MYO18A: variants seen among roughly 807,000 people sequenced by gnomAD.
MYO18A encodes the protein unconventional myosin-XVIIIa.
In MYO18A, 78 loss-of-function variants were observed where a neutral mutation model predicts 235.8. The ratio of observed to expected loss-of-function variants is 0.33; its 90% confidence interval spans 0.28 to 0.40. The LOEUF is 0.40. MYO18A is among the 10% of genes least tolerant of loss of function. The pLI, the probability that MYO18A is intolerant of heterozygous loss-of-function variation, is 1.00. For missense variants in MYO18A, 2,215 were observed against 2,699.3 expected (o/e 0.82, Z 3.98); for synonymous variants, 977 against 1,077.8 (o/e 0.91, Z 1.83).
chr17:29,110,883 A>C (rs2066912545), intron 17 of MYO18A, among the ~76,000 whole-genome samples: 2 of 152,152 alleles, frequency 1.3e-5, no homozygotes, highest in African/African-American at 4.8e-5. Flanking sequence ...CTACTCATCT[A>C]CTTCCCCTCA....
chr17:29,160,473 T>G (rs2068148483), intron 2 of MYO18A, among the ~76,000 whole-genome samples: 1 of 152,248 alleles, frequency 6.6e-6, no homozygotes, highest in African/African-American at 2.4e-5. Context: ...AGCTTTGCAT[T>G]TCTTTACTTA....
intron 2 of MYO18A, chr17:29,124,625 G>GCTC (rs1448799697): frequency 7.9e-7 from 1 of 1,272,616 alleles, no homozygotes; most frequent in South Asian, 1.3e-5. Flanking sequence ...GGAGCGGAGG[G>GCTC]CTCCTGAGTG....
chr17:29,118,535 TC>T lies in MYO18A; in HGVS notation c.1830-96del, dbSNP rs2067127290. The T allele has an allele frequency of 8.5e-7, 1 of 1,173,352 alleles. No homozygotes were observed. The highest frequency in any genetic ancestry group is 2.2e-5 in the Admixed American group (1 of 45,896). 72.7% of individuals were successfully genotyped at this position (1,173,352 alleles called of 1,614,324 possible). The stretch of plus-strand genomic sequence containing the variant: ...AGACAGACAGACTCAGCTTCCAGAC[TC>T]CAAGTTTTGTCTGCCCATCATCCCA... On this transcript the variant is annotated intron_variant, in intron 8 of 41. Transcript: ENST00000527372. This position sits in a 1 kb window ranked among gnomAD's most constrained non-coding sequence, Gnocchi z 4.2.
chr17:29,098,575 A>C (rs961431076), intron 23 of MYO18A, 130 bp from the exon 24 acceptor site: 1 of 1,149,844 alleles, frequency 8.7e-7, no homozygotes, highest in Non-Finnish European at 1.3e-6. Context: ...GCATGTCCCC[A>C]ATAGCAGAGC....
Position 29,121,748 on chromosome 17 carries a change from G to A in MYO18A, c.1195-25C>T, listed in dbSNP as rs1452837192. The A allele has an allele frequency of 6.3e-7, 1 of 1,579,276 alleles. No homozygotes were observed. The highest frequency in any genetic ancestry group is 2.3e-5 in the East Asian group (1 of 42,900). The stretch of plus-strand genomic sequence containing the variant: ...CCTGTGTGGGAGGACAGGCGGGTGG[G>A]TATTAGAGCAGCAGAGCCCATCTCC... On this transcript the variant is annotated intron_variant, in intron 4 of 41. Transcript: ENST00000527372. The surrounding 1 kb of genome is among the most constrained non-coding windows in gnomAD (Gnocchi z 4.2).
intron 2 of MYO18A, among the ~76,000 whole-genome samples, chr17:29,130,529 A>ACAC (rs1567619180): frequency 1.6e-4 from 19 of 115,876 alleles, no homozygotes; most frequent in African/African-American, 5.2e-4. Context: ...CACACACACA[A>ACAC]CCCTTTCAAA....
rs778935466 is a variant in MYO18A at position 29,098,122 on chromosome 17, CCTT to C, written c.3970_3972del (p.Lys1324del). ...GCCCTCACCTGCAGTTCCTTCATCT[CCTT>C]CTCAGCCCGGAGCCTCTCTGCTGTC... is the stretch of plus-strand genomic sequence containing the variant. On this transcript the variant is annotated inframe_deletion, in exon 25 of 42. Coordinates refer to ENST00000527372, the MANE Select transcript of MYO18A (RefSeq NM_078471.4). 1 of 1,613,628 alleles carries C rather than the reference CCTT, an allele frequency of 6.2e-7. No individual in the cohort carries two copies. Among genetic ancestry groups the C allele is most frequent in the South Asian group, 1.1e-5 (1 of 91,090 alleles).
Position 29,140,334 on chromosome 17 carries a change from ACT to A in MYO18A, c.1000-18083_1000-18082del. The A allele has an allele frequency of 7.9e-7, 1 of 1,266,724 alleles. No individual in the cohort carries two copies. The highest frequency in any genetic ancestry group is 1.3e-5 in the South Asian group (1 of 78,408). 78.5% of individuals were successfully genotyped at this position (1,266,724 alleles called of 1,614,324 possible). ...TTCCGGGGTGGGGGGTCAGAGGGAC[ACT>A]CACCCGCATGGCCTGGCCTGGAGCA... On this transcript the variant is annotated intron_variant, in intron 2 of 41. Coordinates refer to ENST00000527372, the MANE Select transcript of MYO18A (RefSeq NM_078471.4). The surrounding 1 kb of genome is among the most constrained non-coding windows in gnomAD (Gnocchi z 4.2).
chr17:29,107,908 T>A (rs2066831649), intron 19 of MYO18A, among the ~76,000 whole-genome samples: 2 of 135,988 alleles, frequency 1.5e-5, no homozygotes, highest in African/African-American at 3.1e-5. Flanking sequence ...AGAGCAAGAC[T>A]GTGTCTCAAA....
rs1239939734 is a variant in MYO18A at position 29,127,874 on chromosome 17, G to A, written c.1000-5621C>T. On this transcript the variant is annotated intron_variant, in intron 2 of 41. Transcript: ENST00000527372. ...TACCTCCTGCTTCACACCAGGGACT[G>A]GTGACTTGGACTGCTGCTCTCCAGT... 7 of 989,324 alleles carry A rather than the reference G, an allele frequency of 7.1e-6. No individual in the cohort carries two copies. The African/African-American group carries it at 1.2e-4, about 17-fold the overall frequency. The allele number at this position is 989,324 out of a possible 1,614,324, so 61.3% of individuals were successfully genotyped here.
At chr17:29,171,364 G>A (rs2068399415) in intron 1 of MYO18A, among the ~76,000 whole-genome samples, 2 of 152,074 alleles carry the variant, frequency 1.3e-5, no homozygotes, top group Non-Finnish European at 2.9e-5. Flanking sequence ...TTGAACCTGG[G>A]AGGCGGAGGT....
chr17:29,080,116 G>T, intron 41 of MYO18A: 1 of 985,968 alleles, frequency 1.0e-6, no homozygotes, highest in Non-Finnish European at 1.2e-6. Context: ...AGCAGCAGAG[G>T]CGGAGCGGCG....
At chr17:29,169,633 C>T (rs765830260) in intron 1 of MYO18A, among the ~76,000 whole-genome samples, 1 of 152,148 alleles carries the variant, frequency 6.6e-6, no homozygotes, top group Non-Finnish European at 1.5e-5. Context: ...CCCACCACTG[C>T]CTGCACCATC....
Position 29,071,376 on chromosome 17 carries a change from C to G in MYO18A, c.*3394G>C, listed in dbSNP as rs2065882536. The G allele has an allele frequency of 6.6e-6, 1 of 152,118 alleles. No homozygotes were observed. Among genetic ancestry groups the G allele is most frequent in the African/African-American group, 2.4e-5 (1 of 41,388 alleles). 9.4% of individuals were successfully genotyped at this position (152,118 alleles called of 1,614,324 possible). A position where few individuals can be genotyped will look rare whatever the true frequency, so the allele number is the denominator to read the frequency against. ...CAACAGCAGAGCCTTCAAGGTACAC[C>G]CAAAATAAAGATGGGCTTTGGTGGC... On this transcript the variant is annotated 3_prime_UTR_variant, in exon 42 of 42. Transcript: ENST00000527372.
chr17:29,155,978 C>CT (rs1458690639), intron 2 of MYO18A, among the ~76,000 whole-genome samples: 10 of 152,156 alleles, frequency 6.6e-5, no homozygotes, highest in African/African-American at 2.4e-4. Flanking sequence ...GTTCCAGGAA[C>CT]CAAAACTGTC....
At chr17:29,079,905 TGAC>T (rs1277557286) in intron 41 of MYO18A, 3 of 985,818 alleles carry the variant, frequency 3.0e-6, no homozygotes, top group African/African-American at 3.5e-5. Context: ...AGCCGCTGGA[TGAC>T]GACGAGGAGG....
Position 29,140,316 on chromosome 17 carries a change from G to A in MYO18A, c.1000-18063C>T. The A allele has an allele frequency of 4.1e-6, 5 of 1,232,254 alleles. No homozygotes were observed. The highest frequency in any genetic ancestry group is 5.2e-6 in the Non-Finnish European group (5 of 960,768). 76.3% of individuals were successfully genotyped at this position (1,232,254 alleles called of 1,614,324 possible). ...ATGAGGAGCCTGGGACATTTCCGGG[G>A]TGGGGGGTCAGAGGGACACTCACCC... On this transcript the variant is annotated intron_variant, in intron 2 of 41. Transcript: ENST00000527372. This position sits in a 1 kb window ranked among gnomAD's most constrained non-coding sequence, Gnocchi z 4.2.
intron 1 of MYO18A, 65 bp from the exon 2 acceptor site, chr17:29,167,086 A>T (rs889074629): frequency 3.4e-5 from 40 of 1,175,480 alleles, no homozygotes; most frequent in Non-Finnish European, 4.6e-5. Context: ...TCCAGTCCAG[A>T]CATAACCAAA....
rs868500563 is a variant in MYO18A, at chr17:29,073,073, A to C, written c.*1697T>G. 1 of 147,028 alleles carries C rather than the reference A, an allele frequency of 6.8e-6. No homozygotes were observed. The highest frequency in any genetic ancestry group is 1.5e-5 in the Non-Finnish European group (1 of 67,474). The allele number at this position is 147,028 out of a possible 1,614,324, so 9.1% of individuals were successfully genotyped here. A position where few individuals can be genotyped will look rare whatever the true frequency, so the allele number is the denominator to read the frequency against. On this transcript the variant is annotated 3_prime_UTR_variant, in exon 42 of 42. Coordinates refer to ENST00000527372, the MANE Select transcript of MYO18A (RefSeq NM_078471.4). ...CTAATGAGAAGGGCTTGAATCCAAAAAGAAAGAGAATGAAAGAAAGAAAGA... is the reference window on the plus strand; with the variant it reads ...CTAATGAGAAGGGCTTGAATCCAAACAGAAAGAGAATGAAAGAAAGAAAGA...
Sources: allele counts gnomAD v4.1 joint callset (sites outside exome capture counted in the v4.1 genomes callset), GRCh38; gene constraint gnomAD v4.1.1; non-coding constraint Gnocchi (gnomAD v3.1); transcripts MANE v1.5; gene names NCBI Gene and HGNC (gene_info 2026-07-23, HGNC 2026-07-21).